TRIM2: variants seen among roughly 807,000 people sequenced by gnomAD.
TRIM2 encodes the protein tripartite motif containing 2, also known as tripartite motif-containing protein 2.
A neutral mutation model predicts 75.2 loss-of-function variants in TRIM2; 20 were observed. The ratio of observed to expected loss-of-function variants is 0.27; its 90% CI spans 0.19 to 0.39. TRIM2 has a LOEUF of 0.39. Ranked by LOEUF, TRIM2 falls within the 10% of genes least tolerant of loss-of-function variation. TRIM2 has a pLI of 1.00. For missense variants in TRIM2, 660 were observed against 990.8 expected (o/e 0.67, Z 4.48); for synonymous variants, 373 against 388.3 (o/e 0.96, Z 0.46).
At chr4:153,256,893 C>T (rs1752192295) in intron 1 of TRIM2, among the ~76,000 whole-genome samples, 1 of 148,132 alleles carries the variant, frequency 6.8e-6, no homozygotes. Context: ...GTAGTAGGGG[C>T]TTGTGGAACT....
At chr4:153,202,794 C>T (rs1217744014), upstream of TRIM2, among the ~76,000 whole-genome samples, 1 of 151,026 alleles carries the variant, frequency 6.6e-6, no homozygotes, top group African/African-American at 2.4e-5. Context: ...GAAGGTTAAG[C>T]TGCTGTAATA....
intron 1 of TRIM2, among the ~76,000 whole-genome samples, chr4:153,169,161 G>C (rs920641836): frequency 1.3e-5 from 2 of 152,184 alleles, no homozygotes; most frequent in African/African-American, 4.8e-5. Context: ...TTCTTTAAGA[G>C]TTTCATTTGA....
intron 2 of TRIM2, among the ~76,000 whole-genome samples, chr4:153,273,985 A>C (rs1435500649): frequency 1.3e-5 from 2 of 152,248 alleles, no homozygotes; most frequent in Admixed American, 1.3e-4. Context: ...AACACTGAGG[A>C]AGAACTTAAA....
intron 1 of TRIM2, among the ~76,000 whole-genome samples, chr4:153,214,719 G>T (rs1467365253): frequency 6.6e-6 from 1 of 152,186 alleles, no homozygotes; most frequent in Admixed American, 6.5e-5. Context: ...ACCAAGAGGT[G>T]TTGTTAGCTA....
chr4:153,273,886 G>T (rs574272896), intron 2 of TRIM2, among the ~76,000 whole-genome samples: 1 of 152,170 alleles, frequency 6.6e-6, no homozygotes, highest in Non-Finnish European at 1.5e-5. Flanking sequence ...TAAACAAAGG[G>T]GAGTGAATAG....
intron 1 of TRIM2, among the ~76,000 whole-genome samples, chr4:153,225,395 T>C (rs1405969329): frequency 6.6e-6 from 1 of 152,212 alleles, no homozygotes; most frequent in Non-Finnish European, 1.5e-5. Context: ...AAAGACTTCC[T>C]GCTTAGAATG....
At chr4:153,263,118 C>A (rs944087736) in intron 1 of TRIM2, among the ~76,000 whole-genome samples, 1 of 152,054 alleles carries the variant, frequency 6.6e-6, no homozygotes, top group African/African-American at 2.4e-5. Flanking sequence ...ATCACTTGAG[C>A]CCAAGAGTCC....
intron 1 of TRIM2, among the ~76,000 whole-genome samples, chr4:153,165,826 T>C (rs1467856453): frequency 6.6e-6 from 1 of 152,216 alleles, no homozygotes; most frequent in Non-Finnish European, 1.5e-5. Flanking sequence ...CTGTGTATTC[T>C]CATATTTCAT....
In TRIM2 at chr4:153,165,859, G is replaced by A. The variant is rs146565282; in HGVS notation, c.-49+12589G>A. 5.0e-3 allele frequency among the ~76,000 whole-genome samples: 753 copies of A among 151,988 alleles called. 5 individuals are homozygous for A. Among genetic ancestry groups the A allele is most frequent in the Non-Finnish European group, 8.9e-3 (603 of 67,956 alleles). Reference sequence around the variant, plus strand: ...CATGGTGACTTGCCATGATTTGAGGGGTTTTTCTATTAATTATTTTGATTA... The same window carrying A: ...CATGGTGACTTGCCATGATTTGAGGAGTTTTTCTATTAATTATTTTGATTA... On this transcript the variant is annotated intron_variant, in intron 1 of 11. Coordinates refer to the TRIM2 transcript ENST00000437508.
At chr4:153,228,455 C>T (rs1283907513) in intron 1 of TRIM2, among the ~76,000 whole-genome samples, 10 of 152,190 alleles carry the variant, frequency 6.6e-5, no homozygotes, top group African/African-American at 1.7e-4. Context: ...TATACAGTTT[C>T]GTAGAGGGTA....
rs1436559705 is a variant in TRIM2, at chr4:153,308,611, A to G, written c.1511-6874A>G. 14 of 640,802 alleles carry G rather than the reference A, an allele frequency of 2.2e-5. No homozygotes were observed. The East Asian group carries it at 5.6e-4, about 26-fold the overall frequency. The allele number at this position is 640,802 out of a possible 1,614,324, so 39.7% of individuals were successfully genotyped here. A position where few individuals can be genotyped will look rare whatever the true frequency, so the allele number is the denominator to read the frequency against. ...AATGTTGACAGTGGTGATCTCATCCACACCTTTGGTCTTGATGGCCATTTC... is the reference window on the plus strand; with the variant it reads ...AATGTTGACAGTGGTGATCTCATCCGCACCTTTGGTCTTGATGGCCATTTC... On this transcript the variant is annotated intron_variant, in intron 6 of 11. Transcript: ENST00000338700.
At position 153,339,317 on chromosome 4, in the gene TRIM2, A is replaced by C. The variant is rs1293561164; in HGVS notation, c.*4351A>C. ...CATTATAATAAAGCTTGTTTTCTCC[A>C]TTTGCAGAGTGAATATTTATTTATT... is the stretch of plus-strand genomic sequence containing the variant. On this transcript the variant is annotated 3_prime_UTR_variant, in exon 12 of 12. Coordinates refer to ENST00000338700, the MANE Select transcript of TRIM2 (RefSeq NM_015271.5). 2.6e-6 allele frequency: 1 copy of C among 385,976 alleles called. No individual in the cohort carries two copies. Among genetic ancestry groups the C allele is most frequent in the Non-Finnish European group, 3.5e-6 (1 of 282,380 alleles). 23.9% of individuals were successfully genotyped at this position (385,976 alleles called of 1,614,324 possible). A position where few individuals can be genotyped will look rare whatever the true frequency, so the allele number is the denominator to read the frequency against.
At chr4:153,218,202 G>T (rs1739010278) in intron 1 of TRIM2, among the ~76,000 whole-genome samples, 1 of 152,120 alleles carries the variant, frequency 6.6e-6, no homozygotes, top group Non-Finnish European at 1.5e-5. Context: ...TTTATCTGTA[G>T]GCAGTGGATC....
chr4:153,328,440 T>C, intron 10 of TRIM2, 90 bp from the exon 11 acceptor site: 1 of 1,202,200 alleles, frequency 8.3e-7, no homozygotes, highest in Middle Eastern at 2.2e-4. Context: ...TTGTTATAAA[T>C]AACCTGCTCA....
intron 3 of TRIM2, among the ~76,000 whole-genome samples, chr4:153,281,396 C>T (rs1429259778): frequency 6.6e-6 from 1 of 152,160 alleles, no homozygotes. Context: ...AAATGTGCAA[C>T]ATTAGGGGGC....
chr4:153,235,897 T>A (rs1474978884), intron 1 of TRIM2, among the ~76,000 whole-genome samples: 1 of 152,124 alleles, frequency 6.6e-6, no homozygotes, highest in Non-Finnish European at 1.5e-5. Context: ...TCCATCAGAA[T>A]TCTTGACCAC....
At position 153,244,140 on chromosome 4, in the gene TRIM2, T is replaced by C. The variant is rs1411043725; in HGVS notation, c.31-26195T>C. On this transcript the variant is annotated intron_variant, in intron 1 of 11. Transcript: ENST00000338700. ...ACTGCCATCTTCTTCTTCTTCTTCT[T>C]CTTGTTCTTCTTGTTCTTCTTCTTC... Among the ~76,000 whole-genome samples the C allele has an allele frequency of 2.9e-5, 4 of 138,900 alleles. 1 individual carries two copies. The highest frequency in any genetic ancestry group is 1.1e-4 in the African/African-American group (4 of 37,478). The allele number at this position is 138,900 out of a possible 152,430, so 91.1% of individuals were successfully genotyped here. A position where few individuals can be genotyped will look rare whatever the true frequency, so the allele number is the denominator to read the frequency against.
chr4:153,209,706 C>T (rs1227388215), intron 1 of TRIM2, among the ~76,000 whole-genome samples: 1 of 152,170 alleles, frequency 6.6e-6, no homozygotes, highest in African/African-American at 2.4e-5. Flanking sequence ...ACTTCACGAA[C>T]GTTACCAACT....
chr4:153,275,054 G>A (rs867507031), intron 2 of TRIM2, among the ~76,000 whole-genome samples: 1 of 152,300 alleles, frequency 6.6e-6, no homozygotes, highest in Middle Eastern at 3.4e-3. Flanking sequence ...TGAGAGCTTA[G>A]ATTATGGTGC....
Sources: allele counts gnomAD v4.1 joint callset (sites outside exome capture counted in the v4.1 genomes callset), GRCh38; gene constraint gnomAD v4.1.1; transcripts MANE v1.5; gene names NCBI Gene and HGNC (gene_info 2026-07-23, HGNC 2026-07-21).